RBFOX1: variants seen among roughly 807,000 people sequenced by gnomAD.
The protein encoded by RBFOX1 is RNA binding fox-1 homolog 1, also known as RNA binding protein fox-1 homolog 1.
In RBFOX1, 8 loss-of-function variants were observed where a neutral mutation model predicts 57.7. The ratio of observed to expected loss-of-function variants is 0.14; its 90% CI spans 0.08 to 0.25. The LOEUF is 0.25. Ranked by LOEUF, RBFOX1 falls within the 10% of genes least tolerant of loss-of-function variation. The probability of loss-of-function intolerance (pLI) is 1.00; values close to 1 mark genes in which losing one functional copy is unlikely to be tolerated. For missense variants in RBFOX1, 611 were observed against 548.5 expected (o/e 1.11, Z -1.14); for synonymous variants, 326 against 222.4 (o/e 1.47, Z -4.15).
At chr16:7,461,824 A>AG (rs5815404) in intron 4 of RBFOX1, among the ~76,000 whole-genome samples, 148,984 of 152,222 alleles carry the variant, frequency 0.98, 72,929 homozygotes, top group East Asian at 1. Context: ...TCTCTTAGCG[A>AG]CTTCTGGGAT....
At chr16:7,239,698 T>G (rs916186897) in intron 4 of RBFOX1, among the ~76,000 whole-genome samples, 1 of 152,172 alleles carries the variant, frequency 6.6e-6, no homozygotes, top group South Asian at 2.1e-4. Flanking sequence ...CTCTTCTGGG[T>G]CTTTGATCTA....
At chr16:7,644,705 C>G (rs1237483116) in intron 11 of RBFOX1, among the ~76,000 whole-genome samples, 2 of 152,164 alleles carry the variant, frequency 1.3e-5, no homozygotes, top group African/African-American at 4.8e-5. Context: ...ATAGAGTCCT[C>G]AGGACATCCC....
intron 1 of RBFOX1, among the ~76,000 whole-genome samples, chr16:5,342,703 T>G (rs1385333967): frequency 6.6e-6 from 1 of 152,168 alleles, no homozygotes; most frequent in African/African-American, 2.4e-5. Flanking sequence ...TTGAGCAGTC[T>G]CCTACCTGTA....
At chr16:5,295,847 T>G (rs149973337) in intron 1 of RBFOX1, among the ~76,000 whole-genome samples, 12 of 152,350 alleles carry the variant, frequency 7.9e-5, no homozygotes, top group Non-Finnish European at 1.5e-4. Context: ...GGGAGGCATC[T>G]GGTTGCCATA....
At chr16:6,276,985 C>G (rs1464091168) in intron 1 of RBFOX1, among the ~76,000 whole-genome samples, 1 of 152,120 alleles carries the variant, frequency 6.6e-6, no homozygotes, top group Non-Finnish European at 1.5e-5. Flanking sequence ...AATAAATGTA[C>G]ATTTCCAGAA....
chr16:5,519,531 C>T (rs984966794), intron 2 of RBFOX1, among the ~76,000 whole-genome samples: 9 of 152,284 alleles, frequency 5.9e-5, no homozygotes, highest in African/African-American at 1.9e-4. Flanking sequence ...TGAGATCAGC[C>T]TGGGCAACCA....
intron 3 of RBFOX1, among the ~76,000 whole-genome samples, chr16:6,677,682 G>A (rs2057971952): frequency 6.6e-6 from 1 of 152,152 alleles, no homozygotes; most frequent in South Asian, 2.1e-4. Context: ...TTGGACGGCT[G>A]TATCCATAGA....
chr16:7,312,446 A>C (rs1012071744), intron 4 of RBFOX1, among the ~76,000 whole-genome samples: 1 of 152,232 alleles, frequency 6.6e-6, no homozygotes, highest in East Asian at 1.9e-4. Flanking sequence ...GGATTTGTTT[A>C]TTGAAGCTGG....
At chr16:6,503,924 A>C (rs1201024578) in intron 2 of RBFOX1, among the ~76,000 whole-genome samples, 1 of 152,244 alleles carries the variant, frequency 6.6e-6, no homozygotes, top group African/African-American at 2.4e-5. Flanking sequence ...GATGTTCCTT[A>C]AGCCGGACCT....
chr16:5,908,125 T>TATATACAC (rs2058511332), intron 4 of RBFOX1, among the ~76,000 whole-genome samples: 2 of 111,154 alleles, frequency 1.8e-5, no homozygotes, highest in Admixed American at 9.4e-5. Context: ...TATATACACA[T>TATATACAC]ATATATATAC....
intron 2 of RBFOX1, among the ~76,000 whole-genome samples, chr16:6,474,500 A>T (rs2095242435): frequency 6.6e-6 from 1 of 152,226 alleles, no homozygotes; most frequent in Non-Finnish European, 1.5e-5. Context: ...CAATTAAGAC[A>T]AAATGGGCAG....
chr16:7,323,098 G>A (rs1450877927), intron 4 of RBFOX1, among the ~76,000 whole-genome samples: 1 of 152,152 alleles, frequency 6.6e-6, no homozygotes, highest in Non-Finnish European at 1.5e-5. Flanking sequence ...GGAGAGTAAA[G>A]GAGATGAAGA....
chr16:6,580,341 T>G (rs765075745), intron 2 of RBFOX1, among the ~76,000 whole-genome samples: 1 of 152,190 alleles, frequency 6.6e-6, no homozygotes, highest in Non-Finnish European at 1.5e-5. Context: ...GATAACTATT[T>G]CCAGGTAAGC....
At chr16:7,596,185 T>C (rs1177445114) in intron 8 of RBFOX1, among the ~76,000 whole-genome samples, 1 of 148,848 alleles carries the variant, frequency 6.7e-6, no homozygotes, top group African/African-American at 2.5e-5. Context: ...TTTTTTTTTT[T>C]AAGAAGCCAG....
chr16:6,664,987 A>G (rs1379876730), intron 3 of RBFOX1, among the ~76,000 whole-genome samples: 1 of 152,210 alleles, frequency 6.6e-6, no homozygotes, highest in Non-Finnish European at 1.5e-5. Context: ...TGTGTGCCGC[A>G]TTAGTCAGGG....
At chr16:6,656,978 C>G (rs1424309128) in intron 3 of RBFOX1, among the ~76,000 whole-genome samples, 15 of 127,252 alleles carry the variant, frequency 1.2e-4, no homozygotes, top group African/African-American at 4.4e-4. Context: ...CTCTCCTCCC[C>G]TTTCCTCTCC....
At chr16:7,332,660 G>GTC (rs139335710) in intron 4 of RBFOX1, 852 of 627,074 alleles carry the variant, frequency 1.4e-3, no homozygotes, top group Non-Finnish European at 1.6e-3. Flanking sequence ...TGGTCTCTTG[G>GTC]TCTCTCTCTC....
At chr16:7,219,516 G>C (rs1010836380) in intron 4 of RBFOX1, among the ~76,000 whole-genome samples, 2 of 152,148 alleles carry the variant, frequency 1.3e-5, no homozygotes, top group Non-Finnish European at 2.9e-5. Flanking sequence ...TGTGTTTAAG[G>C]GTGTAATGTG....
chr16:6,245,829 C>A (rs574872614), intron 1 of RBFOX1, among the ~76,000 whole-genome samples: 1 of 152,308 alleles, frequency 6.6e-6, no homozygotes, highest in Admixed American at 6.5e-5. Flanking sequence ...TAATTCCATT[C>A]CTTGGTCATT....
Sources: gnomAD v4.1 joint callset for allele counts (sites outside exome capture counted in the v4.1 genomes callset) on GRCh38, gnomAD v4.1.1 for gene constraint, MANE v1.5 for transcripts, NCBI Gene and HGNC (gene_info 2026-07-23, HGNC 2026-07-21) for gene names.